The following KIDINS220 variants were observed in gnomAD, a reference collection of about 807,000 sequenced individuals.
The protein encoded by KIDINS220 is kinase D-interacting substrate of 220 kDa.
In KIDINS220, 63 loss-of-function variants were observed where a neutral mutation model predicts 157.6. The ratio of observed to expected loss-of-function variants is 0.40; its 90% CI spans 0.33 to 0.49. The LOEUF is 0.49. Among genes scored for constraint, KIDINS220 ranks in the 20% least tolerant of loss-of-function variants. The pLI is 0.66. For synonymous variants in KIDINS220, 732 were observed against 783.6 expected (o/e 0.93, Z 1.10); for missense variants, 1,772 against 2,171.2 (o/e 0.82, Z 3.65).
At chr2:8,723,112 C>T (rs1663052807), downstream of KIDINS220, 1 of 152,262 alleles carries the variant, frequency 6.6e-6, no homozygotes, top group South Asian at 2.1e-4. Flanking sequence ...GTGGCAAAGA[C>T]TCCTGTGTGC....
intron 1 of KIDINS220, among the ~76,000 whole-genome samples, chr2:8,834,593 G>T (rs985347996): frequency 3.3e-5 from 5 of 151,710 alleles, no homozygotes; most frequent in African/African-American, 1.2e-4. Context: ...AACAAATGTA[G>T]CTCAATGAGA....
intron 15 of KIDINS220, among the ~76,000 whole-genome samples, chr2:8,788,264 C>T (rs1672687205): frequency 6.9e-6 from 1 of 145,690 alleles, no homozygotes; most frequent in Non-Finnish European, 1.5e-5. Flanking sequence ...AAATTATATT[C>T]TATAAACTTT....
At chr2:8,751,850 G>A (rs908204333) in intron 22 of KIDINS220, among the ~76,000 whole-genome samples, 6 of 151,656 alleles carry the variant, frequency 4.0e-5, no homozygotes, top group African/African-American at 1.2e-4. Flanking sequence ...GGTTACAGGT[G>A]TGCACTACCA....
intron 7 of KIDINS220, among the ~76,000 whole-genome samples, chr2:8,804,282 A>G (rs1000083297): frequency 6.6e-6 from 1 of 152,236 alleles, no homozygotes. Context: ...ACTATGACCC[A>G]AGATCTGGTA....
intron 17 of KIDINS220, among the ~76,000 whole-genome samples, chr2:8,783,207 AAAAGAAACAGGCT>A (rs1016212420): frequency 6.6e-6 from 1 of 151,874 alleles, no homozygotes; most frequent in African/African-American, 2.4e-5. Flanking sequence ...CAAAAAAAAA[AAAAGAAACAGGCT>A]AAAGAAGAAA....
intron 26 of KIDINS220, among the ~76,000 whole-genome samples, chr2:8,737,661 A>T (rs1572432073): frequency 6.6e-6 from 1 of 152,252 alleles, no homozygotes; most frequent in South Asian, 2.1e-4. Context: ...CAAAATAATT[A>T]AAAAGTCTAG....
At chr2:8,722,635 T>G (rs1482906550), downstream of KIDINS220, 1 of 152,170 alleles carries the variant, frequency 6.6e-6, no homozygotes, top group Non-Finnish European at 1.5e-5. Flanking sequence ...TAAGCAAATC[T>G]TGAAAATTGA....
At chr2:8,775,496 A>T (rs967762613) in intron 21 of KIDINS220, among the ~76,000 whole-genome samples, 1 of 152,198 alleles carries the variant, frequency 6.6e-6, no homozygotes, top group African/African-American at 2.4e-5. Context: ...TTTTTCAAAG[A>T]GGAAGAGTGA....
intron 22 of KIDINS220, among the ~76,000 whole-genome samples, chr2:8,764,810 C>G (rs1669244868): frequency 6.6e-6 from 1 of 152,196 alleles, no homozygotes; most frequent in African/African-American, 2.4e-5. Context: ...TTCAGAAATA[C>G]CCACTACTGC....
chr2:8,752,460 A>G (rs930579685), intron 22 of KIDINS220, among the ~76,000 whole-genome samples: 1 of 152,234 alleles, frequency 6.6e-6, no homozygotes, highest in Non-Finnish European at 1.5e-5. Flanking sequence ...AAAGACGCAC[A>G]TGCACAGGTG....
At position 8,823,433 on chromosome 2, in the gene KIDINS220, T is replaced by A. The variant is rs1329126119; in HGVS notation, c.108+3553A>T. On this transcript the variant is annotated intron_variant, in intron 2 of 29. Coordinates refer to ENST00000256707, the MANE Select transcript of KIDINS220 (RefSeq NM_020738.4). ...ATCAGAAGTTGTAAAAGCAAAATGC[T>A]AAAAAAAAAAAAAAAAAATACCAAC... 4.8e-4 allele frequency among the ~76,000 whole-genome samples: 61 copies of A among 127,150 alleles called. 1 individual carries two copies. The highest frequency in any genetic ancestry group is 9.8e-4 in the South Asian group (4 of 4,062). 83.4% of individuals were successfully genotyped at this position (127,150 alleles called of 152,430 possible).
Position 8,730,792 on chromosome 2 carries a change from A to C in KIDINS220, c.5244T>G (p.Asp1748Glu). The C allele has an allele frequency of 6.2e-7, 1 of 1,614,172 alleles. No homozygotes were observed. Among genetic ancestry groups the C allele is most frequent in the Non-Finnish European group, 8.5e-7 (1 of 1,180,044 alleles). Residue 1748 changes from aspartate to glutamate, a missense_variant, in exon 30 of 30, where the codon GAT (aspartate) becomes GAG (glutamate). Coordinates refer to ENST00000256707, the MANE Select transcript of KIDINS220 (RefSeq NM_020738.4). Reference protein sequence around the residue: ...QRSSYTRLSKDPPELHAAASS... With the variant: ...QRSSYTRLSKEPPELHAAASS... ...AGGCTGCTGCATGGAGCTCCGGAGG[A>C]TCTTTGGAGAGCCTTGTGTAACTTG...
Position 8,813,292 on chromosome 2 carries a change from G to C in KIDINS220, c.350C>G (p.Thr117Ser), listed in dbSNP as rs1676585810. 1 of 1,613,448 alleles carries C rather than the reference G, an allele frequency of 6.2e-7. No homozygotes were observed. The highest frequency in any genetic ancestry group is 1.1e-5 in the South Asian group (1 of 91,006). ...AGAAAGAAGCAACTCTACTACGTCA[G>C]TACGGCCTTTGTAACATGCCCACAT... The part of the protein sequence containing the change: ...ALMWACYKGR[T>S]DVVELLLSHG... The change falls in exon 5 of 30, where the codon ACT becomes AGT. Residue 117 changes from threonine (T) to serine (S), a missense_variant. Thr to Ser is a moderately conservative substitution (Grantham distance 58). Transcript: ENST00000256707.
chr2:8,757,203 T>C, intron 22 of KIDINS220: 2 of 958,766 alleles, frequency 2.1e-6, no homozygotes, highest in Non-Finnish European at 2.5e-6. Context: ...GTTTGTTTTT[T>C]CCCAACAAAA....
intron 1 of KIDINS220, among the ~76,000 whole-genome samples, chr2:8,834,107 C>T (rs1157436632): frequency 1.3e-5 from 2 of 152,148 alleles, no homozygotes; most frequent in African/African-American, 4.8e-5. Context: ...GCAACAATCA[C>T]CCCTGTGCAG....
chr2:8,802,995 C>G lies in KIDINS220; in HGVS notation c.736G>C (p.Glu246Gln). Residue 246 changes from glutamate to glutamine, a missense_variant, in exon 8 of 30, where the codon GAG becomes CAG. This residue lies in a region of KIDINS220 where 725 missense variants were observed against 1,017.1 expected (regional missense o/e 0.71). Coordinates refer to ENST00000256707, the MANE Select transcript of KIDINS220 (RefSeq NM_020738.4). ...GNTALMIASK[E>Q]GHTEIVQDLL... ...TCCTGCACAATCTCCGTATGTCCCTCCTTTGATGCAATCATCAAAGCTGTA... is the reference window on the plus strand; with the variant it reads ...TCCTGCACAATCTCCGTATGTCCCTGCTTTGATGCAATCATCAAAGCTGTA... The G allele has an allele frequency of 6.2e-7, 1 of 1,613,832 alleles. No individual in the cohort carries two copies. The highest frequency in any genetic ancestry group is 1.3e-5 in the African/African-American group (1 of 75,042).
chr2:8,790,066 G>A lies in KIDINS220; in HGVS notation c.1442-7C>T. The A allele has an allele frequency of 6.3e-7, 1 of 1,583,794 alleles. No homozygotes were observed. Among genetic ancestry groups the A allele is most frequent in the East Asian group, 2.2e-5 (1 of 44,472 alleles). ...GCGAAGGTTTTCATTTCGTCTGAAA[G>A]AGAATTTAATACGAAACCTTATTCC... On this transcript the variant is annotated splice_polypyrimidine_tract_variant and splice_region_variant and intron_variant, in intron 13 of 29. Coordinates refer to ENST00000256707, the MANE Select transcript of KIDINS220 (RefSeq NM_020738.4).
At position 8,729,393 on chromosome 2, in the gene KIDINS220, G is replaced by A. The variant is rs1293027235; in HGVS notation, c.*1327C>T. 2 of 985,386 alleles carry A rather than the reference G, an allele frequency of 2.0e-6. No homozygotes were observed. The highest frequency in any genetic ancestry group is 4.7e-5 in the South Asian group (1 of 21,290). 61.0% of individuals were successfully genotyped at this position (985,386 alleles called of 1,614,324 possible). ...CGCATCTGCGATCTCACCATCTACC[G>A]TCCTAACTGTGACTTGGGGTAAACC... On this transcript the variant is annotated 3_prime_UTR_variant, in exon 30 of 30. Transcript: ENST00000256707.
chr2:8,797,013 A>C, intron 10 of KIDINS220, 144 bp from the exon 11 acceptor site: 1 of 670,544 alleles, frequency 1.5e-6, no homozygotes, highest in Non-Finnish European at 2.6e-6. Flanking sequence ...AGCTAACAAC[A>C]AAAAAATGCT....
Sources: allele counts gnomAD v4.1 joint callset (sites outside exome capture counted in the v4.1 genomes callset), GRCh38; gene constraint gnomAD v4.1.1; regional missense constraint gnomAD v4.1.1; transcripts MANE v1.5; gene names NCBI Gene and HGNC (gene_info 2026-07-23, HGNC 2026-07-21).